SAXO2: variants seen among roughly 807,000 people sequenced by gnomAD.
SAXO2 encodes stabilizer of axonemal microtubules 2, also known as family with sequence similarity 154, member B.
In SAXO2, 17 loss-of-function variants were observed where a neutral mutation model predicts 18.7. The observed-to-expected ratio is 0.91, with a 90% confidence interval of 0.62 to 1.36. The LOEUF (loss-of-function observed/expected upper bound fraction) is 1.36. Ranked by LOEUF, SAXO2 falls within the 40% of genes most tolerant of loss-of-function variation. The probability of loss-of-function intolerance (pLI) is 0.00; values close to 1 mark genes in which losing one functional copy is unlikely to be tolerated. For missense variants in SAXO2, 486 were observed against 562.6 expected (o/e 0.86, Z 1.38); for synonymous variants, 163 against 181.2 (o/e 0.90, Z 0.81).
intron 1 of SAXO2, 27 bp downstream of exon 1, chr15:82,262,959 G>A: frequency 6.3e-7 from 1 of 1,585,430 alleles, no homozygotes; most frequent in Non-Finnish European, 8.6e-7. Flanking sequence ...GTAGCGGCGG[G>A]CCCGGGCTTG....
Position 82,282,434 on chromosome 15 carries a change from G to T in SAXO2, c.749G>T (p.Gly250Val), listed in dbSNP as rs1567095456. Residue 250 changes from glycine to valine, a missense_variant, in exon 4 of 4, where the codon GGT (glycine) becomes GTT (valine). Gly to Val is a moderately radical substitution (Grantham distance 109). Coordinates refer to ENST00000682753, the MANE Select transcript of SAXO2 (RefSeq NM_001348699.2). ...DLTTHRCDFQGLIGETAKLCR... is the reference protein window; with the variant it reads ...DLTTHRCDFQVLIGETAKLCR... ...ACAACTCACCGGTGTGACTTTCAGG[G>T]TCTCATTGGTGAAACTGCAAAACTC... The T allele has an allele frequency of 1.2e-6, 2 of 1,614,100 alleles. No individual in the cohort carries two copies. Among genetic ancestry groups the T allele is most frequent in the South Asian group, 1.1e-5 (1 of 91,062 alleles).
Position 82,284,405 on chromosome 15 carries a change from G to A in SAXO2, c.*1343G>A, listed in dbSNP as rs1384889080. On this transcript the variant is annotated 3_prime_UTR_variant, in exon 4 of 4. Transcript: ENST00000682753. ...TTTGAATAACAGTATTTGCAGAAAG[G>A]AAAAAGTATTATTTGCTAGGGTAGT... The A allele has an allele frequency of 3.9e-5, 6 of 151,918 alleles. No individual in the cohort carries two copies. The highest frequency in any genetic ancestry group is 1.5e-4 in the African/African-American group (6 of 41,344). The allele number at this position is 151,918 out of a possible 1,614,324, so 9.4% of individuals were successfully genotyped here. A position where few individuals can be genotyped will look rare whatever the true frequency, so the allele number is the denominator to read the frequency against.
chr15:82,265,520 T>C, intron 1 of SAXO2, 49 bp from the exon 2 acceptor site: 1 of 1,270,952 alleles, frequency 7.9e-7, no homozygotes. Context: ...AACGCAGTTA[T>C]AACACAAAAT....
chr15:82,269,586 G>C (rs71410580), intron 2 of SAXO2, among the ~76,000 whole-genome samples: 1 of 152,072 alleles, frequency 6.6e-6, no homozygotes, highest in African/African-American at 2.4e-5. Flanking sequence ...TTTTTTGGTG[G>C]AGGGTGGAGG....
At chr15:82,272,498 T>C (rs2075281342) in intron 3 of SAXO2, among the ~76,000 whole-genome samples, 1 of 152,200 alleles carries the variant, frequency 6.6e-6, no homozygotes, top group South Asian at 2.1e-4. Context: ...AGTTGGGCCA[T>C]GTATGCTTTT....
chr15:82,271,238 A>G (rs117388641), intron 2 of SAXO2, among the ~76,000 whole-genome samples: 2,301 of 152,322 alleles, frequency 0.015, 24 homozygotes, highest in East Asian at 0.024. Flanking sequence ...CAGGGGTAAT[A>G]TATTTTTTAA....
Position 82,282,752 on chromosome 15 carries a change from G to A in SAXO2, c.1067G>A (p.Arg356His), listed in dbSNP as rs752394278. 31 of 1,614,018 alleles carry A rather than the reference G, an allele frequency of 1.9e-5. 1 individual carries two copies. The highest frequency in any genetic ancestry group is 1.4e-4 in the South Asian group (13 of 91,084). The change falls in exon 4 of 4, where the codon CGT (arginine) becomes CAT (histidine). Residue 356 changes from arginine (R) to histidine (H), a missense_variant. Transcript: ENST00000682753. ...KEDFPAWESCRQGLIKKQQQI... is the reference protein window; with the variant it reads ...KEDFPAWESCHQGLIKKQQQI... ...GATTTTCCAGCATGGGAAAGTTGTC[G>A]TCAAGGACTTATTAAGAAGCAGCAG... is the stretch of plus-strand genomic sequence containing the variant.
chr15:82,283,211 A>C lies in SAXO2; in HGVS notation c.*149A>C. 1 of 501,036 alleles carries C rather than the reference A, an allele frequency of 2.0e-6. No individual in the cohort carries two copies. The highest frequency in any genetic ancestry group is 3.2e-6 in the Non-Finnish European group (1 of 312,442). 31.0% of individuals were successfully genotyped at this position (501,036 alleles called of 1,614,324 possible). On this transcript the variant is annotated 3_prime_UTR_variant, in exon 4 of 4. Transcript: ENST00000682753. The stretch of plus-strand genomic sequence containing the variant: ...ATTGGAAAATATATTATAAGAAATC[A>C]GAATCTTAAAACCATTTTTTATTGA...
chr15:82,264,810 C>T, intron 1 of SAXO2: 1 of 694,090 alleles, frequency 1.4e-6, no homozygotes. Context: ...CAAGATGCCG[C>T]CTAACAACTT....
In SAXO2 at chr15:82,283,001, A is replaced by G. The variant is rs1420378763; in HGVS notation, c.1316A>G (p.Asn439Ser). Residue 439 changes from asparagine (N) to serine (S), a missense_variant, in exon 4 of 4, where the codon AAT becomes AGT. Transcript: ENST00000682753. ...YPSPPGYIFDNTNSQGHKFFR... is the reference protein window; with the variant it reads ...YPSPPGYIFDSTNSQGHKFFR... Reference sequence around the variant, plus strand: ...TCTCCTCCAGGTTATATTTTCGACAATACAAATTCCCAAGGTCATAAATTC... The same window carrying G: ...TCTCCTCCAGGTTATATTTTCGACAGTACAAATTCCCAAGGTCATAAATTC... 6.2e-7 allele frequency: 1 copy of G among 1,613,846 alleles called. No homozygotes were observed. Among genetic ancestry groups the G allele is most frequent in the African/African-American group, 1.3e-5 (1 of 74,920 alleles).
intron 1 of SAXO2, 196 bp downstream of exon 1, chr15:82,263,128 T>A (rs1463820229): frequency 6.8e-7 from 1 of 1,472,438 alleles, no homozygotes; most frequent in Non-Finnish European, 8.9e-7. Context: ...GGGTAAAACG[T>A]TTGTTCGTAG....
chr15:82,280,220 A>G (rs1333103355), intron 3 of SAXO2, among the ~76,000 whole-genome samples: 1 of 152,106 alleles, frequency 6.6e-6, no homozygotes, highest in African/African-American at 2.4e-5. Flanking sequence ...CATTCATACT[A>G]TTGTATGCTA....
In SAXO2 at chr15:82,265,599, G is replaced by C. The variant is rs1166129171; in HGVS notation, c.84G>C (p.Arg28Ser). 1.4e-6 allele frequency: 2 copies of C among 1,418,892 alleles called. No individual in the cohort carries two copies. Among genetic ancestry groups the C allele is most frequent in the Non-Finnish European group, 1.8e-6 (2 of 1,088,584 alleles). The allele number at this position is 1,418,892 out of a possible 1,614,324, so 87.9% of individuals were successfully genotyped here. Residue 28 changes from arginine (R) to serine (S), a missense_variant, in exon 2 of 4, where the codon AGG (arginine) becomes AGC (serine). By Grantham distance (110) the Arg-to-Ser change is moderately radical. Coordinates refer to ENST00000682753, the MANE Select transcript of SAXO2 (RefSeq NM_001348699.2). ...GRHHCPRGTT[R>S]IYENSGVFCP... Reference sequence around the variant, plus strand: ...ATCATTGTCCACGTGGAACCACAAGGATTTATGAAAATTCTGGGGTGTTTT... The same window carrying C: ...ATCATTGTCCACGTGGAACCACAAGCATTTATGAAAATTCTGGGGTGTTTT...
chr15:82,282,841 C>A lies in SAXO2; in HGVS notation c.1156C>A (p.His386Asn), dbSNP rs139856653. Reference sequence around the variant, plus strand: ...CACTTTCAGATCTCACTATGTGCCACATGAATTGATCCCAACAGAGAGTTG... The same window carrying A: ...CACTTTCAGATCTCACTATGTGCCAAATGAATTGATCCCAACAGAGAGTTG... Reference protein sequence around the residue: ...LSTFRSHYVPHELIPTESCKP... With the variant: ...LSTFRSHYVPNELIPTESCKP... The change falls in exon 4 of 4, where the codon CAT (histidine) becomes AAT (asparagine). Residue 386 changes from histidine (H) to asparagine (N), a missense_variant. Coordinates refer to ENST00000682753, the MANE Select transcript of SAXO2 (RefSeq NM_001348699.2). The A allele has an allele frequency of 4.3e-6, 7 of 1,613,730 alleles. No homozygotes were observed. Among genetic ancestry groups the A allele is most frequent in the Non-Finnish European group, 5.9e-6 (7 of 1,179,878 alleles).
At chr15:82,269,256 A>G (rs1002448260) in intron 2 of SAXO2, among the ~76,000 whole-genome samples, 2 of 152,234 alleles carry the variant, frequency 1.3e-5, no homozygotes, top group Non-Finnish European at 2.9e-5. Context: ...GGACAGGCAC[A>G]GGTACCTTGA....
Position 82,262,969 on chromosome 15 carries a change from G to C in SAXO2, c.53+37G>C, listed in dbSNP as rs2075150036. The C allele has an allele frequency of 2.5e-6, 4 of 1,578,294 alleles. No individual in the cohort carries two copies. In the Admixed American group the frequency reaches 7.4e-5, roughly 29 times the overall value. On this transcript the variant is annotated intron_variant, in intron 1 of 3. Coordinates refer to ENST00000682753, the MANE Select transcript of SAXO2 (RefSeq NM_001348699.2). The stretch of plus-strand genomic sequence containing the variant: ...CTGGTGTAGCGGCGGGCCCGGGCTT[G>C]GGAGCCGACCTAGGGCCTAGGTGCA...
rs771365494 is a variant in SAXO2, at chr15:82,262,929, G to A, written c.50G>A (p.Cys17Tyr). 1.9e-4 allele frequency: 298 copies of A among 1,604,648 alleles called. No individual in the cohort carries two copies. Among genetic ancestry groups the A allele is most frequent in the Non-Finnish European group, 2.5e-4 (293 of 1,175,576 alleles). Residue 17 changes from cysteine to tyrosine, a missense_variant, in exon 1 of 4, where the codon TGC (cysteine) becomes TAC (tyrosine). By Grantham distance (194) the Cys-to-Tyr change is radical. Transcript: ENST00000682753. ...RSWCLCQICS[C>Y]GRHHCPRGTT... is the part of the protein sequence containing the mutation. The stretch of plus-strand genomic sequence containing the variant: ...TGGTGTCTGTGTCAGATTTGTAGCT[G>A]CGGGTAAGAAACGGCTGGTGTAGCG...
rs919241995 is a variant in SAXO2 at position 82,265,696 on chromosome 15, A to C, written c.181A>C (p.Lys61Gln). The change falls in exon 2 of 4, where the codon AAG (lysine) becomes CAG (glutamine). Residue 61 changes from lysine to glutamine, a missense_variant. Lys to Gln is a moderately conservative substitution (Grantham distance 53). Coordinates refer to ENST00000682753, the MANE Select transcript of SAXO2 (RefSeq NM_001348699.2). The part of the protein sequence containing the change: ...NVLPPQSLKA[K>Q]QEIRACHGKM... Reference sequence around the variant, plus strand: ...TCTTCCACCTCAGAGTCTTAAAGCCAAGCAAGAAATTCGAGCATGCCATGG... The same window carrying C: ...TCTTCCACCTCAGAGTCTTAAAGCCCAGCAAGAAATTCGAGCATGCCATGG... 2.4e-5 allele frequency: 37 copies of C among 1,530,264 alleles called. No homozygotes were observed. The highest frequency in any genetic ancestry group is 3.1e-5 in the Non-Finnish European group (36 of 1,145,092). 94.8% of individuals were successfully genotyped at this position (1,530,264 alleles called of 1,614,324 possible).
rs573609652 is a variant in SAXO2, at chr15:82,271,717, G to A, written c.348G>A (p.Ser116=). 50 of 1,614,098 alleles carry A rather than the reference G, an allele frequency of 3.1e-5. No individual in the cohort carries two copies. Among genetic ancestry groups the A allele is most frequent in the South Asian group, 2.0e-4 (18 of 91,074 alleles). ...LGTTYKRDLN[S]YKVQPVAIVR... ...CTACCTACAAACGGGATTTGAATTCGTATAAAGTGCAGCCTGTGGCAATAG... is the reference window on the plus strand; with the variant it reads ...CTACCTACAAACGGGATTTGAATTCATATAAAGTGCAGCCTGTGGCAATAG... Residue 116 remains serine (S), a synonymous_variant, in exon 3 of 4, where the codon TCG becomes TCA. Coordinates refer to ENST00000682753, the MANE Select transcript of SAXO2 (RefSeq NM_001348699.2).
Sources: allele counts gnomAD v4.1 joint callset (sites outside exome capture counted in the v4.1 genomes callset), GRCh38; gene constraint gnomAD v4.1.1; transcripts MANE v1.5; gene names NCBI Gene and HGNC (gene_info 2026-07-23, HGNC 2026-07-21).